Variants in ANXA8 observed in about 807,000 individuals in gnomAD.
ANXA8 encodes annexin A8.
Under a neutral mutation model 26.8 loss-of-function variants are expected in ANXA8, and 9 were observed. The ratio of observed to expected loss-of-function variants is 0.34; its 90% CI spans 0.20 to 0.59. ANXA8 has a LOEUF of 0.59. Ranked by LOEUF, ANXA8 falls within the 20% of genes least tolerant of loss-of-function variation. ANXA8 has a pLI of 0.84. For missense variants in ANXA8, 83 were observed against 238.5 expected (o/e 0.35, Z 4.29); for synonymous variants, 39 against 94.8 (o/e 0.41, Z 3.42).
the ANXA8 span, among the ~76,000 whole-genome samples, chr10:47,958,427 C>T: frequency 2.0e-5 from 3 of 146,428 alleles, no homozygotes; most frequent in Non-Finnish European, 4.5e-5. Context: ...TGCAGTCAGC[C>T]GAGATCGAGC....
the ANXA8 span, chr10:47,710,113 A>G: frequency 4.3e-6 from 2 of 468,684 alleles, no homozygotes; most frequent in South Asian, 4.3e-5. Context: ...ACTATATTTT[A>G]TATCTAATCA....
the ANXA8 span, among the ~76,000 whole-genome samples, chr10:47,654,146 G>A: frequency 1.3e-4 from 19 of 151,650 alleles, no homozygotes; most frequent in Admixed American, 3.3e-4. Context: ...TAGTGGTGAC[G>A]TTGTAAGAGG....
chr10:47,633,919 C>T, the ANXA8 span, among the ~76,000 whole-genome samples: 1 of 138,300 alleles, frequency 7.2e-6, no homozygotes, highest in Non-Finnish European at 1.5e-5. Flanking sequence ...CCGCACAACC[C>T]GGTAAACATA....
chr10:47,979,250 G>A, the ANXA8 span, among the ~76,000 whole-genome samples: 11 of 151,548 alleles, frequency 7.3e-5, 1 homozygote, highest in Non-Finnish European at 1.5e-4. Flanking sequence ...TTCAACAATG[G>A]ATAGAACAAC....
chr10:47,940,564 TC>T, the ANXA8 span, among the ~76,000 whole-genome samples: 1 of 146,728 alleles, frequency 6.8e-6, no homozygotes, highest in Non-Finnish European at 1.5e-5. Context: ...GCATGGTGGC[TC>T]ACACCTGTAA....
At chr10:47,705,842 T>G in the ANXA8 span, among the ~76,000 whole-genome samples, 2 of 151,738 alleles carry the variant, frequency 1.3e-5, no homozygotes, top group East Asian at 3.9e-4. Context: ...GCAGCGAGTT[T>G]CAGTCGTGAC....
At chr10:47,493,526 T>C in the ANXA8 span, among the ~76,000 whole-genome samples, 90 of 149,172 alleles carry the variant, frequency 6.0e-4, no homozygotes, top group African/African-American at 2.2e-3. Context: ...CTGATAAATG[T>C]CATCTGCCTG....
At chr10:47,678,660 A>G in the ANXA8 span, among the ~76,000 whole-genome samples, 2 of 151,912 alleles carry the variant, frequency 1.3e-5, no homozygotes, top group Non-Finnish European at 2.9e-5. Context: ...GAACATCAGT[A>G]ACCTTGGGAC....
the ANXA8 span, among the ~76,000 whole-genome samples, chr10:47,981,852 G>A: frequency 6.6e-6 from 1 of 151,888 alleles, no homozygotes; most frequent in Non-Finnish European, 1.5e-5. Context: ...AGATGTCAAT[G>A]TTTCCCAAAT....
chr10:47,582,496 A>G, the ANXA8 span, among the ~76,000 whole-genome samples: 4 of 140,674 alleles, frequency 2.8e-5, no homozygotes, highest in Admixed American at 2.0e-4. Context: ...TGGCTGGAGA[A>G]AAACAGGGCA....
At chr10:47,952,871 T>C in the ANXA8 span, among the ~76,000 whole-genome samples, 1 of 148,370 alleles carries the variant, frequency 6.7e-6, no homozygotes. Context: ...CCAAAGTAAT[T>C]TGATGGGGAA....
chr10:47,749,456 G>A, the ANXA8 span, among the ~76,000 whole-genome samples: 11 of 149,104 alleles, frequency 7.4e-5, no homozygotes, highest in African/African-American at 2.7e-4. Context: ...GTCTCGTTAG[G>A]TGTAAAATAT....
the ANXA8 span, among the ~76,000 whole-genome samples, chr10:47,701,348 C>T: frequency 6.6e-6 from 1 of 151,646 alleles, no homozygotes; most frequent in Non-Finnish European, 1.5e-5. Flanking sequence ...AGCTTTCAAC[C>T]TAGCAATCCC....
chr10:47,484,067 GCCCA>G lies in ANXA8; in HGVS notation c.-138_-135del. Reference sequence around the variant, plus strand: ...CACTTGGGTGTGGGGGTGCAAGCCCGCCCAGGGCAGCGCCACACCTGCCTGCCGT... The same window carrying G: ...CACTTGGGTGTGGGGGTGCAAGCCCGGGGCAGCGCCACACCTGCCTGCCGT... On this transcript the variant is annotated 5_prime_UTR_variant, in exon 1 of 12. Transcript: ENST00000585281. 1.2e-6 allele frequency: 2 copies of G among 1,605,438 alleles called. No individual in the cohort carries two copies. The highest frequency in any genetic ancestry group is 1.7e-6 in the Non-Finnish European group (2 of 1,174,766).
chr10:47,688,525 G>A, the ANXA8 span, among the ~76,000 whole-genome samples: 4 of 151,518 alleles, frequency 2.6e-5, no homozygotes, highest in Non-Finnish European at 5.9e-5. Flanking sequence ...GGGTTCAAGC[G>A]CTTCTCTTGC....
the ANXA8 span, among the ~76,000 whole-genome samples, chr10:47,603,351 A>C: frequency 1.6e-4 from 24 of 149,878 alleles, no homozygotes; most frequent in South Asian, 2.1e-4. Context: ...CCATGAAAAT[A>C]GCTAAATTTT....
At chr10:47,694,659 T>C in the ANXA8 span, among the ~76,000 whole-genome samples, 1 of 151,856 alleles carries the variant, frequency 6.6e-6, no homozygotes, top group South Asian at 2.1e-4. Flanking sequence ...GACCTTGTGA[T>C]CTGCCCACCT....
the ANXA8 span, among the ~76,000 whole-genome samples, chr10:47,631,264 G>A: frequency 6.6e-6 from 1 of 151,618 alleles, no homozygotes; most frequent in South Asian, 2.1e-4. Flanking sequence ...CAGGATTCAG[G>A]AAGTTTATTT....
chr10:47,566,704 G>A, the ANXA8 span, among the ~76,000 whole-genome samples: 1 of 134,976 alleles, frequency 7.4e-6, no homozygotes, highest in Admixed American at 7.4e-5. Flanking sequence ...TTGGGGCAGG[G>A]GGTTCTGGAG....
Sources: gnomAD v4.1 joint callset for allele counts (sites outside exome capture counted in the v4.1 genomes callset) on GRCh38, gnomAD v4.1.1 for gene constraint, MANE v1.5 for transcripts, NCBI Gene and HGNC (gene_info 2026-07-23, HGNC 2026-07-21) for gene names.